Variants in C11orf65 observed in about 807,000 individuals in gnomAD.
C11orf65 encodes protein MFI.
C11orf65 carries 38 observed loss-of-function variants against 35.3 expected under a neutral mutation model. The ratio of observed to expected loss-of-function variants is 1.08; its 90% CI spans 0.83 to 1.41. C11orf65 has a LOEUF of 1.41. C11orf65 is among the 40% of genes most tolerant of loss of function. C11orf65 has a pLI of 0.00. For missense variants in C11orf65, 370 were observed against 367.1 expected (o/e 1.01, Z -0.06); for synonymous variants, 105 against 114.4 (o/e 0.92, Z 0.53).
chr11:108,328,500 C>A (rs2085920487), downstream of C11orf65, among the ~76,000 whole-genome samples: 1 of 152,212 alleles, frequency 6.6e-6, no homozygotes, highest in African/African-American at 2.4e-5. Flanking sequence ...CCTGCCTCGG[C>A]CTCCCAAAGT....
chr11:108,377,305 G>T (rs2091755909), intron 2 of C11orf65, among the ~76,000 whole-genome samples: 1 of 152,144 alleles, frequency 6.6e-6, no homozygotes. Flanking sequence ...CTTCATCCCT[G>T]GGATGCCAGG....
intron 5 of C11orf65, among the ~76,000 whole-genome samples, chr11:108,405,793 T>C (rs2092529933): frequency 6.6e-6 from 1 of 152,218 alleles, no homozygotes; most frequent in Admixed American, 6.5e-5. Context: ...AGGTGCTTAA[T>C]AAGTGTTGAA....
intron 2 of C11orf65, among the ~76,000 whole-genome samples, chr11:108,447,873 T>C (rs1482684776): frequency 1.3e-5 from 2 of 151,890 alleles, no homozygotes; most frequent in Admixed American, 6.6e-5. Context: ...ATCAACAAAA[T>C]TGATAGACTG....
In C11orf65 at chr11:108,320,069, A is replaced by C. The variant is rs774951815; in HGVS notation, c.641-10998T>G. 6.5e-7 allele frequency: 1 copy of C among 1,548,808 alleles called. No individual in the cohort carries two copies. Among genetic ancestry groups the C allele is most frequent in the African/African-American group, 1.4e-5 (1 of 73,528 alleles). ...TCTCAAATATGCCAGGTATTATGAA[A>C]AGACAAAGTTACTGTATTTTAACAT... On this transcript the variant is annotated intron_variant, in intron 6 of 6. Coordinates refer to the C11orf65 transcript ENST00000525729.
intron 1 of C11orf65, among the ~76,000 whole-genome samples, chr11:108,465,458 A>AT (rs2093523281): frequency 6.6e-6 from 1 of 152,210 alleles, no homozygotes; most frequent in Admixed American, 6.5e-5. Flanking sequence ...TGTGTCAAAT[A>AT]TTGTTGCAAG....
chr11:108,374,226 G>A (rs543116740), intron 2 of C11orf65, among the ~76,000 whole-genome samples: 82 of 152,294 alleles, frequency 5.4e-4, no homozygotes, highest in Non-Finnish European at 9.6e-4. Flanking sequence ...CAGCCTAACC[G>A]GGAGGCACCC....
chr11:108,466,375 ACCAG>A (rs1477193813), intron 1 of C11orf65, among the ~76,000 whole-genome samples: 1 of 152,116 alleles, frequency 6.6e-6, no homozygotes, highest in Non-Finnish European at 1.5e-5. Flanking sequence ...GGGGTTTGAG[ACCAG>A]CCTGGCCAAT....
At chr11:108,325,612 G>A (rs900626898) in intron 6 of C11orf65, 2 of 1,319,736 alleles carry the variant, frequency 1.5e-6, no homozygotes, top group Admixed American at 1.8e-5. Context: ...AAAACAGAAA[G>A]CCTGAGGGAA....
At chr11:108,443,253 T>A (rs1417579606) in intron 2 of C11orf65, among the ~76,000 whole-genome samples, 1 of 152,124 alleles carries the variant, frequency 6.6e-6, no homozygotes, top group Non-Finnish European at 1.5e-5. Context: ...TATAAAGGGA[T>A]CAATTCAACA....
rs587782149 is a variant in C11orf65 at position 108,354,834 on chromosome 11, T to C, written c.227-19542A>G. On this transcript the variant is annotated intron_variant, in intron 2 of 3. Coordinates refer to the C11orf65 transcript ENST00000524755. The stretch of plus-strand genomic sequence containing the variant: ...AGATGCTGTGAGAAAACCATGGAAG[T>C]GATGAGAAACTCTCAGGAAACTCTG... 6.2e-7 allele frequency: 1 copy of C among 1,613,754 alleles called. No homozygotes were observed. Among genetic ancestry groups the C allele is most frequent in the Admixed American group, 1.7e-5 (1 of 60,002 alleles).
chr11:108,458,274 G>A (rs117136824), intron 2 of C11orf65, among the ~76,000 whole-genome samples: 15,839 of 150,008 alleles, frequency 0.11, 1,181 homozygotes, highest in Non-Finnish European at 0.14. Context: ...GGGAGGCTGA[G>A]GCACGAGAAT....
intron 2 of C11orf65, among the ~76,000 whole-genome samples, chr11:108,376,647 AAT>A (rs1240504441): frequency 2.5e-4 from 38 of 152,206 alleles, no homozygotes; most frequent in Admixed American, 2.0e-4. Context: ...AACTGAAGGA[AAT>A]AGAGACACAA....
chr11:108,327,797 C>T (rs1490046705), downstream of C11orf65: 2 of 1,388,912 alleles, frequency 1.4e-6, no homozygotes, highest in Non-Finnish European at 1.0e-6. Context: ...AGTTACTTAG[C>T]ATGAATATGC....
chr11:108,335,396 G>T (rs1264209670), intron 2 of C11orf65: 8 of 825,872 alleles, frequency 9.7e-6, no homozygotes, highest in Non-Finnish European at 1.4e-5. Context: ...AAATACTTTG[G>T]TGTCTGTCTC....
rs922974863 is a variant in C11orf65, at chr11:108,316,472, A to G, written c.641-7401T>C. Among the ~76,000 whole-genome samples, 14 of 152,112 alleles carry G rather than the reference A, an allele frequency of 9.2e-5. 1 individual carries two copies. Among genetic ancestry groups the G allele is most frequent in the Admixed American group, 3.9e-4 (6 of 15,270 alleles). ...GAAAATCTTATGTAAACTATTTCTCATAGTTTGCAACAGAGTTGGTCCCAG... is the reference window on the plus strand; with the variant it reads ...GAAAATCTTATGTAAACTATTTCTCGTAGTTTGCAACAGAGTTGGTCCCAG... On this transcript the variant is annotated intron_variant, in intron 6 of 6. Coordinates refer to the C11orf65 transcript ENST00000525729.
chr11:108,432,715 G>A (rs2093006525), intron 2 of C11orf65, among the ~76,000 whole-genome samples: 1 of 152,080 alleles, frequency 6.6e-6, no homozygotes, highest in South Asian at 2.1e-4. Context: ...CACTACAATT[G>A]CCTATGGAAG....
intron 2 of C11orf65, chr11:108,355,113 GT>G (rs2089738372): frequency 1.9e-6 from 1 of 519,436 alleles, no homozygotes; most frequent in Admixed American, 3.3e-5. Flanking sequence ...GTAGTCTCTA[GT>G]TTTCAATTCA....
At chr11:108,334,566 AG>A (rs1347804783) in intron 3 of C11orf65, among the ~76,000 whole-genome samples, 5 of 152,202 alleles carry the variant, frequency 3.3e-5, no homozygotes, top group Non-Finnish European at 5.9e-5. Context: ...TTTAGTGCTT[AG>A]TATCTAGTTA....
chr11:108,390,259 C>T (rs1306461627), intron 7 of C11orf65, among the ~76,000 whole-genome samples: 4 of 152,072 alleles, frequency 2.6e-5, no homozygotes, highest in Non-Finnish European at 5.9e-5. Context: ...CTCCCGACCT[C>T]ATGATCCACC....
Sources: gnomAD v4.1 joint callset for allele counts (sites outside exome capture counted in the v4.1 genomes callset) on GRCh38, gnomAD v4.1.1 for gene constraint, MANE v1.5 for transcripts, NCBI Gene and HGNC (gene_info 2026-07-23, HGNC 2026-07-21) for gene names.